The following MAST4 variants were observed in gnomAD, a reference collection of about 807,000 sequenced individuals.
MAST4 encodes the protein microtubule-associated serine/threonine-protein kinase 4.
MAST4 carries 89 observed loss-of-function variants against 162.7 expected under a neutral mutation model. The observed-to-expected ratio is 0.55, with a 90% CI of 0.46 to 0.65. The LOEUF is 0.65. Ranked by LOEUF, MAST4 falls within the 30% of genes least tolerant of loss-of-function variation. The pLI, the probability that MAST4 is intolerant of heterozygous loss-of-function variation, is 0.00. For synonymous variants in MAST4, 1,479 were observed against 1,361.1 expected (o/e 1.09, Z -1.91); for missense variants, 3,153 against 3,374.0 (o/e 0.93, Z 1.62).
At chr5:66,680,969 C>A (rs780958121) in intron 1 of MAST4, among the ~76,000 whole-genome samples, 1 of 152,178 alleles carries the variant, frequency 6.6e-6, no homozygotes, top group Non-Finnish European at 1.5e-5. Context: ...ACCTCCCAGT[C>A]ATGGTGGCAC....
intron 4 of MAST4, chr5:66,963,708 C>T (rs1376289524): frequency 3.8e-6 from 3 of 779,788 alleles, no homozygotes; most frequent in Non-Finnish European, 7.2e-6. Context: ...AACTTTCAGT[C>T]TCACTCCCAG....
intron 4 of MAST4, 99 bp downstream of exon 4, chr5:66,900,081 G>A: frequency 1.2e-6 from 1 of 801,778 alleles, no homozygotes; most frequent in Non-Finnish European, 1.8e-6. Flanking sequence ...TAAAATGAAT[G>A]ATAATCAACT....
At chr5:66,601,984 A>C (rs1192954867) in intron 1 of MAST4, among the ~76,000 whole-genome samples, 1 of 152,222 alleles carries the variant, frequency 6.6e-6, no homozygotes, top group Non-Finnish European at 1.5e-5. Flanking sequence ...TAGGTACTCC[A>C]GGTATATGCA....
At chr5:67,146,678 C>T (rs1226636081) in intron 23 of MAST4, among the ~76,000 whole-genome samples, 2 of 152,106 alleles carry the variant, frequency 1.3e-5, no homozygotes, top group Non-Finnish European at 2.9e-5. Context: ...TGTGAAGCTT[C>T]ACATGTGCTT....
chr5:66,734,080 A>G (rs1752019626), intron 1 of MAST4, among the ~76,000 whole-genome samples: 1 of 152,180 alleles, frequency 6.6e-6, no homozygotes, highest in South Asian at 2.1e-4. Context: ...AATTTTAAAC[A>G]ATTTTATGGC....
chr5:67,017,625 A>T (rs1753465322), intron 4 of MAST4, among the ~76,000 whole-genome samples: 1 of 136,846 alleles, frequency 7.3e-6, no homozygotes. Context: ...TTTTTTTGAG[A>T]CAGACTCTCA....
chr5:66,602,103 T>G (rs1003447750), intron 1 of MAST4, among the ~76,000 whole-genome samples: 4 of 152,236 alleles, frequency 2.6e-5, no homozygotes. Flanking sequence ...AACATCTTAG[T>G]GTTAATGCTA....
intron 4 of MAST4, among the ~76,000 whole-genome samples, chr5:67,044,690 A>G (rs1049570324): frequency 2.0e-5 from 3 of 152,100 alleles, no homozygotes; most frequent in African/African-American, 4.8e-5. Context: ...TTTTAAAAAT[A>G]TTTTATAGAG....
intron 4 of MAST4, among the ~76,000 whole-genome samples, chr5:66,911,375 A>G (rs536112035): frequency 2.6e-5 from 4 of 152,328 alleles, no homozygotes; most frequent in African/African-American, 9.6e-5. Flanking sequence ...ATAGACAGAC[A>G]TATTTAAAAC....
At chr5:66,604,971 T>C (rs1181874942) in intron 1 of MAST4, among the ~76,000 whole-genome samples, 6 of 152,208 alleles carry the variant, frequency 3.9e-5, no homozygotes, top group Non-Finnish European at 7.3e-5. Flanking sequence ...AGGGCAGTCA[T>C]AGCCAGCGAA....
intron 10 of MAST4, among the ~76,000 whole-genome samples, chr5:67,105,694 G>A (rs991370253): frequency 6.6e-6 from 1 of 152,220 alleles, no homozygotes; most frequent in Non-Finnish European, 1.5e-5. Context: ...TCCTGGCAAA[G>A]TAAAATTGCT....
intron 4 of MAST4, among the ~76,000 whole-genome samples, chr5:66,990,562 C>T (rs1749965627): frequency 6.6e-6 from 1 of 152,136 alleles, no homozygotes; most frequent in Non-Finnish European, 1.5e-5. Flanking sequence ...TCACTTGATC[C>T]AGGGAGATCG....
Position 67,131,971 on chromosome 5 carries a change from A to G in MAST4, c.2093+20A>G. On this transcript the variant is annotated intron_variant, in intron 16 of 28. Transcript: ENST00000403625. ...AGACAAGTATGTACACAAATGAAAT[A>G]TATGTCTTCTTTTGCCCAATACAAA... 6.2e-7 allele frequency: 1 copy of G among 1,604,950 alleles called. No homozygotes were observed. The highest frequency in any genetic ancestry group is 8.5e-7 in the Non-Finnish European group (1 of 1,174,502).
At chr5:66,661,760 T>C (rs1431221675) in intron 1 of MAST4, among the ~76,000 whole-genome samples, 2 of 152,186 alleles carry the variant, frequency 1.3e-5, no homozygotes, top group Admixed American at 1.3e-4. Flanking sequence ...GTATTTGCCC[T>C]TCATAAGTTA....
At chr5:67,060,044 C>T (rs1174772105) in intron 5 of MAST4, among the ~76,000 whole-genome samples, 12 of 152,170 alleles carry the variant, frequency 7.9e-5, no homozygotes, top group African/African-American at 2.9e-4. Flanking sequence ...AAATAAAACT[C>T]AGCTTGTAAC....
intron 26 of MAST4, 120 bp downstream of exon 26, chr5:67,153,700 G>T (rs1459990488): frequency 1.2e-5 from 12 of 969,898 alleles, no homozygotes; most frequent in Non-Finnish European, 1.7e-5. Flanking sequence ...GTATTCATTA[G>T]TCTCAAGTTT....
chr5:67,018,194 A>G (rs987031966), intron 4 of MAST4, among the ~76,000 whole-genome samples: 1 of 152,162 alleles, frequency 6.6e-6, no homozygotes, highest in Non-Finnish European at 1.5e-5. Context: ...AGAATGGGAT[A>G]CTTGAAAGAT....
chr5:66,861,130 G>A (rs551014088), intron 3 of MAST4, among the ~76,000 whole-genome samples: 78 of 152,294 alleles, frequency 5.1e-4, no homozygotes, highest in African/African-American at 1.6e-3. Context: ...GATTTATTTC[G>A]GTGAAGATGG....
At chr5:67,162,843 A>G in intron 28 of MAST4, 55 bp downstream of exon 28, 1 of 1,524,968 alleles carries the variant, frequency 6.6e-7, no homozygotes. Flanking sequence ...AAGTCATGTG[A>G]GGTCCCCAAA....
Sources: gnomAD v4.1 joint callset for allele counts (sites outside exome capture counted in the v4.1 genomes callset) on GRCh38, gnomAD v4.1.1 for gene constraint, MANE v1.5 for transcripts, NCBI Gene and HGNC (gene_info 2026-07-23, HGNC 2026-07-21) for gene names.